Variants in IL6R observed in about 807,000 individuals in gnomAD.
The protein encoded by IL6R is interleukin-6 receptor subunit alpha.
A neutral mutation model predicts 48.3 loss-of-function variants in IL6R; 38 were observed. The ratio of observed to expected loss-of-function variants is 0.79; its 90% CI spans 0.61 to 1.03. The LOEUF is 1.03. Among genes scored for constraint, IL6R ranks in the 50% least tolerant of loss-of-function variants. The probability of loss-of-function intolerance (pLI) is 0.00; values close to 1 mark genes in which losing one functional copy is unlikely to be tolerated. For synonymous variants in IL6R, 264 were observed against 256.2 expected (o/e 1.03, Z -0.29); for missense variants, 534 against 618.3 (o/e 0.86, Z 1.45).
chr1:154,429,145 C>T, intron 1 of IL6R, 51 bp from the exon 2 acceptor site: 2 of 1,576,644 alleles, frequency 1.3e-6, no homozygotes, highest in Non-Finnish European at 1.7e-6. Context: ...CAGAACGAAG[C>T]CCCCTTCTTC....
At chr1:154,423,262 T>A (rs1398744771) in intron 1 of IL6R, among the ~76,000 whole-genome samples, 1 of 119,422 alleles carries the variant, frequency 8.4e-6, no homozygotes, top group East Asian at 2.2e-4. Context: ...TTTAATTAAA[T>A]ATATATATAT....
chr1:154,464,993 G>A, intron 9 of IL6R, 141 bp from the exon 10 acceptor site: 2 of 870,052 alleles, frequency 2.3e-6, no homozygotes, highest in Non-Finnish European at 1.9e-6. Flanking sequence ...CAAAAAGACA[G>A]CTGATAGTTA....
chr1:154,452,166 A>G (rs1690620509), intron 8 of IL6R, among the ~76,000 whole-genome samples: 1 of 151,406 alleles, frequency 6.6e-6, no homozygotes, highest in Non-Finnish European at 1.5e-5. Context: ...CCCCCAACCA[A>G]CTCTTTTCCA....
intron 6 of IL6R, among the ~76,000 whole-genome samples, chr1:154,438,689 G>A (rs991156130): frequency 1.3e-5 from 2 of 152,148 alleles, no homozygotes; most frequent in African/African-American, 4.8e-5. Context: ...GGTGTGGGGT[G>A]ATGGCTCTTC....
At chr1:154,410,410 T>A (rs1272572545) in intron 1 of IL6R, among the ~76,000 whole-genome samples, 1 of 152,082 alleles carries the variant, frequency 6.6e-6, no homozygotes, top group East Asian at 1.9e-4. Context: ...CACCACCACA[T>A]CTGGCTAATT....
rs1424013885 is a variant in IL6R at position 154,447,476 on chromosome 1, T to TATACAC, written c.950-648_950-647insTACACA. On this transcript the variant is annotated intron_variant, in intron 6 of 9. Coordinates refer to ENST00000368485, the MANE Select transcript of IL6R (RefSeq NM_000565.4). ...AAAAATATATATATATATATATATA[T>TATACAC]ACACACACACACACACACACACACA... Among the ~76,000 whole-genome samples the TATACAC allele has an allele frequency of 3.9e-3, 268 of 68,640 alleles. 3 individuals are homozygous for TATACAC. Among genetic ancestry groups the TATACAC allele is most frequent in the Middle Eastern group, 9.3e-3 (1 of 108 alleles). 45.0% of individuals were successfully genotyped at this position (68,640 alleles called of 152,430 possible). A position where few individuals can be genotyped will look rare whatever the true frequency, so the allele number is the denominator to read the frequency against.
chr1:154,442,480 G>A lies in IL6R; in HGVS notation c.950-5645G>A, dbSNP rs116131359. On this transcript the variant is annotated intron_variant, in intron 6 of 9. Transcript: ENST00000368485. Reference sequence around the variant, plus strand: ...GGTCTGAGTGGGACAGGTGGAGGCCGGCCTTGGTGGGCCCCTGTAGGAGTG... The same window carrying A: ...GGTCTGAGTGGGACAGGTGGAGGCCAGCCTTGGTGGGCCCCTGTAGGAGTG... 3.4e-3 allele frequency among the ~76,000 whole-genome samples: 518 copies of A among 152,276 alleles called. 6 individuals are homozygous for A. Among genetic ancestry groups the A allele is most frequent in the Middle Eastern group, 0.014 (4 of 294 alleles).
intron 6 of IL6R, among the ~76,000 whole-genome samples, chr1:154,444,286 G>A (rs1034680374): frequency 6.8e-6 from 1 of 146,240 alleles, no homozygotes; most frequent in Non-Finnish European, 1.5e-5. Flanking sequence ...TCAGCTCACC[G>A]CAACCTCCAC....
At chr1:154,453,642 C>T (rs1194144003) in intron 8 of IL6R, among the ~76,000 whole-genome samples, 2 of 152,194 alleles carry the variant, frequency 1.3e-5, no homozygotes, top group African/African-American at 2.4e-5. Flanking sequence ...GGCGATCCTA[C>T]TTTGTATTCG....
At chr1:154,454,678 C>A in intron 9 of IL6R, 97 bp downstream of exon 9, 1 of 814,128 alleles carries the variant, frequency 1.2e-6, no homozygotes, top group South Asian at 1.4e-5. Context: ...TTTATTCATT[C>A]ATTTATCCAT....
rs572856067 is a variant in IL6R, at chr1:154,429,428, G to A, written c.318G>A (p.Val106=). The A allele has an allele frequency of 1.9e-6, 3 of 1,610,694 alleles. No individual in the cohort carries two copies. In the South Asian group the frequency reaches 3.3e-5, roughly 18 times the overall value. ...GGGCCGGCCGCCCAGCTGGGACTGT[G>A]CACTTGCTGGTGGATGGTGAGTTGT... ...CYRAGRPAGT[V]HLLVDVPPEE... Residue 106 remains valine (V), a synonymous_variant, in exon 2 of 10, where the codon GTG becomes GTA. Coordinates refer to ENST00000368485, the MANE Select transcript of IL6R (RefSeq NM_000565.4).
intron 1 of IL6R, among the ~76,000 whole-genome samples, chr1:154,418,739 T>G (rs1688492679): frequency 6.6e-6 from 1 of 151,556 alleles, no homozygotes; most frequent in African/African-American, 2.4e-5. Context: ...AGATTTGGAG[T>G]CCAAGGGGAG....
Position 154,465,717 on chromosome 1 carries a change from G to A in IL6R, c.*337G>A, listed in dbSNP as rs1265532300. 5 of 308,794 alleles carry A rather than the reference G, an allele frequency of 1.6e-5. No homozygotes were observed. The highest frequency in any genetic ancestry group is 2.5e-5 in the Non-Finnish European group (4 of 160,444). The allele number at this position is 308,794 out of a possible 1,614,324, so 19.1% of individuals were successfully genotyped here. A position where few individuals can be genotyped will look rare whatever the true frequency, so the allele number is the denominator to read the frequency against. On this transcript the variant is annotated 3_prime_UTR_variant, in exon 10 of 10. Transcript: ENST00000368485. ...GGTGGGGGCCTCGGTGTGGAGAAGC[G>A]GCTGGCAGCCCACCCCTCAACACCT...
At chr1:154,459,570 A>G (rs777123298) in intron 9 of IL6R, among the ~76,000 whole-genome samples, 4 of 152,178 alleles carry the variant, frequency 2.6e-5, no homozygotes, top group Non-Finnish European at 5.9e-5. Context: ...GCCAGTGTAT[A>G]CTATATTTTT....
intron 1 of IL6R, among the ~76,000 whole-genome samples, chr1:154,410,926 T>C (rs1200779115): frequency 6.6e-6 from 1 of 152,254 alleles, no homozygotes; most frequent in Admixed American, 6.5e-5. Context: ...GTAGCTGTGC[T>C]AGGCCCTTGG....
At chr1:154,430,663 C>T in intron 3 of IL6R, 57 bp downstream of exon 3, 3 of 1,608,674 alleles carry the variant, frequency 1.9e-6, no homozygotes, top group Non-Finnish European at 2.6e-6. Context: ...CGAGGCCCCC[C>T]AGAGAGGGGC....
At chr1:154,436,696 C>T (rs1327559374) in intron 6 of IL6R, among the ~76,000 whole-genome samples, 1 of 152,184 alleles carries the variant, frequency 6.6e-6, no homozygotes, top group Non-Finnish European at 1.5e-5. Context: ...TCATCCTCAG[C>T]TGCCAGCCCA....
intron 6 of IL6R, among the ~76,000 whole-genome samples, chr1:154,438,760 C>T (rs866137958): frequency 1.3e-5 from 2 of 152,024 alleles, no homozygotes; most frequent in Non-Finnish European, 2.9e-5. Context: ...CTGGGGAGAG[C>T]CAGAGGAGTA....
intron 1 of IL6R, among the ~76,000 whole-genome samples, chr1:154,410,653 A>G (rs1570915301): frequency 6.6e-6 from 1 of 152,156 alleles, no homozygotes; most frequent in Admixed American, 6.5e-5. Flanking sequence ...CTTTTCTGCC[A>G]CTGGGTTCAG....
Sources: allele counts gnomAD v4.1 joint callset (sites outside exome capture counted in the v4.1 genomes callset), GRCh38; gene constraint gnomAD v4.1.1; transcripts MANE v1.5; gene names NCBI Gene and HGNC (gene_info 2026-07-23, HGNC 2026-07-21).